Variants in C19orf18 observed in about 807,000 individuals in gnomAD.
The protein encoded by C19orf18 is chromosome 19 open reading frame 18.
A neutral mutation model predicts 23.3 loss-of-function variants in C19orf18; 21 were observed. That is an observed-to-expected ratio of 0.90 (90% CI 0.64 to 1.30). C19orf18 has a LOEUF of 1.30. C19orf18 is among the 50% of genes most tolerant of loss of function. The probability of loss-of-function intolerance (pLI) is 0.00; values close to 1 mark genes in which losing one functional copy is unlikely to be tolerated. For missense variants in C19orf18, 249 were observed against 259.6 expected, an observed-to-expected ratio of 0.96 and a Z score of 0.28; for synonymous variants, 96 against 95.2, an observed-to-expected ratio of 1.01 and a Z score of -0.05.
chr19:57,959,794 CAAAA>C (rs35485603), intron 5 of C19orf18, among the ~76,000 whole-genome samples: 1 of 99,286 alleles, frequency 1.0e-5, no homozygotes. Context: ...AACTCTGCCT[CAAAA>C]AAAAAAAAAA....
intron 4 of C19orf18, 50 bp downstream of exon 4, chr19:57,966,480 C>T (rs1372247257): frequency 7.0e-6 from 8 of 1,141,468 alleles, no homozygotes; most frequent in Non-Finnish European, 1.0e-5. Context: ...AATCAGTTGA[C>T]TTGTTATGTC....
At chr19:57,964,640 G>T (rs2072896205) in intron 4 of C19orf18, among the ~76,000 whole-genome samples, 2 of 152,146 alleles carry the variant, frequency 1.3e-5, no homozygotes, top group African/African-American at 4.8e-5. Flanking sequence ...AAGCACGCAG[G>T]TTACGCTCTC....
At chr19:57,969,264 A>AAGTAAT (rs2072927554) in intron 3 of C19orf18, among the ~76,000 whole-genome samples, 1 of 152,164 alleles carries the variant, frequency 6.6e-6, no homozygotes, top group Non-Finnish European at 1.5e-5. Context: ...CTAGGTTAAA[A>AAGTAAT]AGTAATTGCC....
intron 3 of C19orf18, among the ~76,000 whole-genome samples, chr19:57,968,286 T>C (rs1371491853): frequency 2.6e-5 from 4 of 152,174 alleles, no homozygotes; most frequent in South Asian, 2.1e-4. Flanking sequence ...ACTCCTAATA[T>C]CCTCACCTTT....
chr19:57,964,882 T>A (rs964307122), intron 4 of C19orf18, among the ~76,000 whole-genome samples: 1 of 152,150 alleles, frequency 6.6e-6, no homozygotes, highest in African/African-American at 2.4e-5. Context: ...GTTGGTTTGG[T>A]CAGAACCGCA....
intron 2 of C19orf18, 144 bp from the exon 3 acceptor site, chr19:57,972,648 A>T: frequency 1.2e-6 from 1 of 861,014 alleles, no homozygotes; most frequent in South Asian, 1.9e-5. Flanking sequence ...GTGTTAATAC[A>T]TTCCTCCCAA....
intron 4 of C19orf18, among the ~76,000 whole-genome samples, chr19:57,966,036 G>A (rs2072905188): frequency 1.3e-5 from 2 of 149,918 alleles, no homozygotes; most frequent in South Asian, 2.1e-4. Context: ...GGAGTGCAGT[G>A]GCACGATCTC....
At position 57,971,253 on chromosome 19, in the gene C19orf18, T is replaced by C. The variant is rs73937079; in HGVS notation, c.268+1210A>G. 4.1e-3 allele frequency among the ~76,000 whole-genome samples: 628 copies of C among 152,196 alleles called. 10 individuals are homozygous for C. The highest frequency in any genetic ancestry group is 0.014 in the African/African-American group (580 of 41,520). On this transcript the variant is annotated intron_variant, in intron 3 of 5. Transcript: ENST00000314391. The stretch of plus-strand genomic sequence containing the variant: ...TTCCTGAAGATAGTAAACCCTGGCC[T>C]GCAAGTGCACCTTTCATGTGCAAGC...
At chr19:57,962,718 G>A (rs889587174) in intron 4 of C19orf18, among the ~76,000 whole-genome samples, 13 of 152,010 alleles carry the variant, frequency 8.6e-5, no homozygotes, top group Admixed American at 2.0e-4. Flanking sequence ...TTAGCAGGGC[G>A]TGGTGGCACA....
At chr19:57,963,270 C>T (rs1380732675) in intron 4 of C19orf18, among the ~76,000 whole-genome samples, 6 of 151,960 alleles carry the variant, frequency 3.9e-5, no homozygotes, top group African/African-American at 1.4e-4. Flanking sequence ...CTCAGGTGAC[C>T]CGCCCACCTC....
At chr19:57,961,124 ACTC>A (rs1475590812) in intron 5 of C19orf18, among the ~76,000 whole-genome samples, 1 of 151,952 alleles carries the variant, frequency 6.6e-6, no homozygotes, top group African/African-American at 2.4e-5. Context: ...ACTCCCAGCT[ACTC>A]GGGAGGCTGA....
At position 57,972,491 on chromosome 19, in the gene C19orf18, C is replaced by T. The variant is rs201033494; in HGVS notation, c.240G>A (p.Thr80=). The T allele has an allele frequency of 9.0e-5, 145 of 1,613,772 alleles. No homozygotes were observed. Among genetic ancestry groups the T allele is most frequent in the Admixed American group, 1.3e-4 (8 of 60,010 alleles). ...AASRSTAASP[T]NPMKFLRNKA... ...TATTCCTCAGGAATTTCATGGGGTT[C>T]GTAGGGGATGCAGCTAAAAGGCCAT... is the stretch of plus-strand genomic sequence containing the variant. The change falls in exon 3 of 6, where the codon ACG becomes ACA. Residue 80 remains threonine, a synonymous_variant. Coordinates refer to ENST00000314391, the MANE Select transcript of C19orf18 (RefSeq NM_152474.5).
Position 57,958,724 on chromosome 19 carries a change from T to C in C19orf18, c.533-7A>G, listed in dbSNP as rs2072846030. ...CTTCTTTTTGATATAATAACTAAAA[T>C]GTAGAAATGATGTTATTGAGATAGT... is the stretch of plus-strand genomic sequence containing the variant. On this transcript the variant is annotated splice_polypyrimidine_tract_variant and splice_region_variant and intron_variant, in intron 5 of 5. Transcript: ENST00000314391. 3 of 1,438,108 alleles carry C rather than the reference T, an allele frequency of 2.1e-6. No individual in the cohort carries two copies. The highest frequency in any genetic ancestry group is 4.6e-5 in the East Asian group (2 of 43,390). 89.1% of individuals were successfully genotyped at this position (1,438,108 alleles called of 1,614,324 possible).
chr19:57,964,622 C>A (rs542199508), intron 4 of C19orf18, among the ~76,000 whole-genome samples: 1 of 152,194 alleles, frequency 6.6e-6, no homozygotes, highest in South Asian at 2.1e-4. Context: ...TGGAGATAAC[C>A]CACAACCAAG....
chr19:57,972,081 G>A (rs2072948944), intron 3 of C19orf18, among the ~76,000 whole-genome samples: 1 of 152,212 alleles, frequency 6.6e-6, no homozygotes, highest in African/African-American at 2.4e-5. Flanking sequence ...CAGGACACAA[G>A]GTGCCTTCTG....
chr19:57,963,065 T>A (rs1291175931), intron 4 of C19orf18, among the ~76,000 whole-genome samples: 1 of 151,142 alleles, frequency 6.6e-6, no homozygotes, highest in African/African-American at 2.4e-5. Context: ...TCACTCTTTT[T>A]GCCCAGGCTG....
Position 57,964,636 on chromosome 19 carries a change from G to A in C19orf18, c.371+1894C>T, listed in dbSNP as rs115805687. 2.5e-3 allele frequency among the ~76,000 whole-genome samples: 375 copies of A among 152,234 alleles called. 2 individuals carry two copies. The highest frequency in any genetic ancestry group is 0.01 in the Middle Eastern group (3 of 294). ...GTGGAGATAACCCACAACCAAGCAC[G>A]CAGGTTACGCTCTCATTAGCAAAAT... On this transcript the variant is annotated intron_variant, in intron 4 of 5. Coordinates refer to ENST00000314391, the MANE Select transcript of C19orf18 (RefSeq NM_152474.5).
At chr19:57,970,936 G>A (rs947402364) in intron 3 of C19orf18, among the ~76,000 whole-genome samples, 2 of 152,072 alleles carry the variant, frequency 1.3e-5, no homozygotes, top group African/African-American at 2.4e-5. Context: ...GCTCAGGGGT[G>A]GCAGAGGTCT....
intron 5 of C19orf18, 94 bp downstream of exon 5, chr19:57,961,297 A>C (rs1362733707): frequency 3.2e-5 from 41 of 1,274,518 alleles, no homozygotes; most frequent in Non-Finnish European, 4.1e-5. Context: ...GAAAGAAAAG[A>C]AATGCAAGCC....
Sources: gnomAD v4.1 joint callset for allele counts (sites outside exome capture counted in the v4.1 genomes callset) on GRCh38, gnomAD v4.1.1 for gene constraint, MANE v1.5 for transcripts, NCBI Gene and HGNC (gene_info 2026-07-23, HGNC 2026-07-21) for gene names.